The following LRP1 variants were observed in gnomAD, a reference collection of about 807,000 sequenced individuals.
The protein encoded by LRP1 is LDL receptor related protein 1, also known as prolow-density lipoprotein receptor-related protein 1.
A neutral mutation model predicts 541.5 loss-of-function variants in LRP1; 51 were observed. The ratio of observed to expected loss-of-function variants is 0.09; its 90% CI spans 0.08 to 0.12. The LOEUF is 0.12. Ranked by LOEUF, LRP1 falls within the 10% of genes least tolerant of loss-of-function variation. The probability of loss-of-function intolerance (pLI) is 1.00; values close to 1 mark genes in which losing one functional copy is unlikely to be tolerated. For synonymous variants in LRP1, 2,219 were observed against 2,470.8 expected (o/e 0.90, Z 3.02); for missense variants, 3,878 against 6,376.2 (o/e 0.61, Z 13.34).
rs551160569 is a variant in LRP1 at position 57,208,073 on chromosome 12, C to G, written c.11895C>G (p.Ile3965Met). The G allele has an allele frequency of 1.2e-6, 2 of 1,614,018 alleles. No homozygotes were observed. Among genetic ancestry groups the G allele is most frequent in the African/African-American group, 2.7e-5 (2 of 74,938 alleles). The change falls in exon 77 of 89, where the codon ATC becomes ATG. Residue 3965 changes from isoleucine (I) to methionine (M), a missense_variant. Ile to Met is a conservative substitution (Grantham distance 10). Transcript: ENST00000243077. ...SGLKMPRGIA[I>M]DWVAGNVYWT... The stretch of plus-strand genomic sequence containing the variant: ...TGAAGATGCCCAGAGGCATCGCCAT[C>G]GACTGGGTGGCCGGAAACGTGTACT...
At chr12:57,134,517 T>C (rs2035112994) in intron 1 of LRP1, among the ~76,000 whole-genome samples, 1 of 152,198 alleles carries the variant, frequency 6.6e-6, no homozygotes, top group African/African-American at 2.4e-5. Context: ...AATGGCGTGA[T>C]CTCTGCTCAC....
rs35292422 is a variant in LRP1 at position 57,201,650 on chromosome 12, C to T, written c.10468+31C>T. Reference sequence around the variant, plus strand: ...TTGCCTGGCCTGGAGCCCAGCTTCCCTCCCCAGTGTCTGCTGCTCACACCA... The same window carrying T: ...TTGCCTGGCCTGGAGCCCAGCTTCCTTCCCCAGTGTCTGCTGCTCACACCA... On this transcript the variant is annotated intron_variant, in intron 66 of 88. Transcript: ENST00000243077. This position sits in a 1 kb window ranked among gnomAD's most constrained non-coding sequence, Gnocchi z 6.4. 0.035 allele frequency: 55,482 copies of T among 1,604,416 alleles called. 1,100 individuals are homozygous for T. Among genetic ancestry groups the T allele is most frequent in the Non-Finnish European group, 0.039 (45,692 of 1,172,978 alleles).
rs1228311905 is a variant in LRP1, at chr12:57,211,138, G to A, written c.12917-38G>A. The A allele has an allele frequency of 2.5e-6, 4 of 1,604,052 alleles. No individual in the cohort carries two copies. The highest frequency in any genetic ancestry group is 2.7e-5 in the African/African-American group (2 of 74,740). On this transcript the variant is annotated intron_variant, in intron 83 of 88. Coordinates refer to ENST00000243077, the MANE Select transcript of LRP1 (RefSeq NM_002332.3). This position sits in a 1 kb window ranked among gnomAD's most constrained non-coding sequence, Gnocchi z 4.3. Reference sequence around the variant, plus strand: ...CAACCTATGGAGAGCCCTCATGAGGGTGGGGCTTGAGGCACTTCTCTCCCT... The same window carrying A: ...CAACCTATGGAGAGCCCTCATGAGGATGGGGCTTGAGGCACTTCTCTCCCT...
chr12:57,161,019 T>C lies in LRP1; in HGVS notation c.2106T>C (p.Asn702=), dbSNP rs1337244357. ...CCTCCAAGACAGTGCTTTGGCCCAA[T>C]GGGCTAAGCCTGGACATCCCGGCTG... ...FVTSKTVLWP[N]GLSLDIPAGR... Residue 702 remains asparagine (N), a synonymous_variant, in exon 13 of 89, where the codon AAT becomes AAC. Coordinates refer to ENST00000243077, the MANE Select transcript of LRP1 (RefSeq NM_002332.3). 6.2e-7 allele frequency: 1 copy of C among 1,613,460 alleles called. No individual in the cohort carries two copies. Among genetic ancestry groups the C allele is most frequent in the Non-Finnish European group, 8.5e-7 (1 of 1,180,014 alleles).
chr12:57,129,007 G>T lies in LRP1; in HGVS notation c.43G>T (p.Ala15Ser). ...PLLLLLPLLS[A>S]LVAAAIDAPK... ...GCTCCTGCTGCTGCCCCTGCTCTCA[G>T]CTCTGGTCGCGGCGGCTATCGACGG... The change falls in exon 1 of 89, where the codon GCT (alanine) becomes TCT (serine). Residue 15 changes from alanine (A) to serine (S), a missense_variant. Physicochemically the swap from Ala to Ser is moderately conservative, Grantham distance 99 (BLOSUM62 1). Around this residue, in one of 13 missense-constraint regions of LRP1, gnomAD observed 293 missense variants for 403.7 expected, o/e 0.73. Transcript: ENST00000243077. 1 of 1,551,528 alleles carries T rather than the reference G, an allele frequency of 6.4e-7. No individual in the cohort carries two copies. Among genetic ancestry groups the T allele is most frequent in the Non-Finnish European group, 8.7e-7 (1 of 1,146,854 alleles).
At chr12:57,151,881 A>C (rs554965135) in intron 6 of LRP1, among the ~76,000 whole-genome samples, 1 of 152,272 alleles carries the variant, frequency 6.6e-6, no homozygotes, top group South Asian at 2.1e-4. Flanking sequence ...AATGTGGTGC[A>C]GGGGGTTGGA....
chr12:57,199,267 C>T lies in LRP1; in HGVS notation c.9732C>T (p.Val3244=). The T allele has an allele frequency of 6.2e-7, 1 of 1,613,982 alleles. No homozygotes were observed. The highest frequency in any genetic ancestry group is 1.6e-4 in the Middle Eastern group (1 of 6,062). Residue 3244 remains valine, a synonymous_variant, in exon 61 of 89, where the codon GTC becomes GTT. Transcript: ENST00000243077. The stretch of plus-strand genomic sequence containing the variant: ...CACTGACCCTGTTTGAGGACTACGT[C>T]TACTGGACCGACTGGGAAACAAAGT... ...IFALTLFEDY[V]YWTDWETKSI...
At chr12:57,167,385 A>G (rs958949305) in intron 18 of LRP1, 59 bp from the exon 19 acceptor site, 7 of 1,251,116 alleles carry the variant, frequency 5.6e-6, no homozygotes, top group Non-Finnish European at 8.2e-6. Flanking sequence ...TCACCTGCCC[A>G]GTACTGTGAT....
intron 62 of LRP1, 54 bp downstream of exon 62, chr12:57,200,079 C>T (rs777518148): frequency 6.9e-6 from 10 of 1,454,282 alleles, no homozygotes; most frequent in Non-Finnish European, 9.4e-6. Flanking sequence ...ACCCCCAAAT[C>T]CTCCTTGGAC....
rs35236030 is a variant in LRP1, at chr12:57,203,236, G to T, written c.10767G>T (p.Ala3589=). 1.8e-3 allele frequency: 2,909 copies of T among 1,611,094 alleles called. 45 individuals are homozygous for T. The African/African-American group carries it at 0.034, about 19-fold the overall frequency. ...EFSCANGRCI[A]GRWKCDGDHD... is the part of the protein sequence containing the mutation. Reference sequence around the variant, plus strand: ...CCTGTGCCAACGGCCGCTGCATCGCGGGGCGCTGGAAATGCGATGGAGACC... The same window carrying T: ...CCTGTGCCAACGGCCGCTGCATCGCTGGGCGCTGGAAATGCGATGGAGACC... The change falls in exon 69 of 89, where the codon GCG becomes GCT. Residue 3589 remains alanine, a synonymous_variant. Transcript: ENST00000243077.
At position 57,201,356 on chromosome 12, in the gene LRP1, A is replaced by C; in HGVS notation, c.10346-141A>C. 1 of 1,409,784 alleles carries C rather than the reference A, an allele frequency of 7.1e-7. No individual in the cohort carries two copies. Among genetic ancestry groups the C allele is most frequent in the Non-Finnish European group, 9.6e-7 (1 of 1,041,572 alleles). The allele number at this position is 1,409,784 out of a possible 1,614,324, so 87.3% of individuals were successfully genotyped here. On this transcript the variant is annotated intron_variant, in intron 65 of 88. Transcript: ENST00000243077. The surrounding 1 kb of genome is among the most constrained non-coding windows in gnomAD (Gnocchi z 6.4). ...GAGATCCAGAAAACAAAAAGCACCA[A>C]AACTGGGGATAAACTGTTCCTTCCT... is the stretch of plus-strand genomic sequence containing the variant.
At chr12:57,192,455 C>T (rs962424869) in intron 44 of LRP1, among the ~76,000 whole-genome samples, 21 of 152,170 alleles carry the variant, frequency 1.4e-4, no homozygotes, top group Non-Finnish European at 2.2e-4. Context: ...GGTGCACGTG[C>T]CCTCAGTGGG....
At chr12:57,130,929 A>G (rs1165377712) in intron 1 of LRP1, among the ~76,000 whole-genome samples, 1 of 152,016 alleles carries the variant, frequency 6.6e-6, no homozygotes, top group Non-Finnish European at 1.5e-5. Flanking sequence ...ACACACACCA[A>G]TATTTCTGCC....
At chr12:57,135,164 G>A (rs951511593) in intron 1 of LRP1, among the ~76,000 whole-genome samples, 4 of 152,222 alleles carry the variant, frequency 2.6e-5, no homozygotes, top group Non-Finnish European at 4.4e-5. Flanking sequence ...AATAGTCACC[G>A]TATTTCCAAT....
rs544534121 is a variant in LRP1, at chr12:57,154,113, G to A, written c.842-95G>A. On this transcript the variant is annotated intron_variant, in intron 6 of 88. Coordinates refer to ENST00000243077, the MANE Select transcript of LRP1 (RefSeq NM_002332.3). This position sits in a 1 kb window ranked among gnomAD's most constrained non-coding sequence, Gnocchi z 4.6. The stretch of plus-strand genomic sequence containing the variant: ...TTGGGTGGGAGGGCGTCCAGAGAAG[G>A]TGGGCTTCCAGGTGTGGGTTCTCAC... The A allele has an allele frequency of 6.7e-6, 8 of 1,191,900 alleles. No individual in the cohort carries two copies. In the South Asian group the frequency reaches 1.1e-4, roughly 16 times the overall value. The allele number at this position is 1,191,900 out of a possible 1,614,324, so 73.8% of individuals were successfully genotyped here.
At chr12:57,166,602 G>A (rs2035845747) in intron 17 of LRP1, among the ~76,000 whole-genome samples, 1 of 152,072 alleles carries the variant, frequency 6.6e-6, no homozygotes, top group Non-Finnish European at 1.5e-5. Context: ...GGGCAGAGGG[G>A]ATGGAGCCCT....
rs776390914 is a variant in LRP1, at chr12:57,145,292, A to G, written c.643A>G (p.Ser215Gly). 7.4e-6 allele frequency: 12 copies of G among 1,614,082 alleles called. No homozygotes were observed. The highest frequency in any genetic ancestry group is 1.0e-5 in the Non-Finnish European group (12 of 1,180,002). ...CCAGAACATCTTGGCCACGTACCTG[A>G]GTGGGGCCCAGGTGTCTACCATCAC... ...NSQNILATYL[S>G]GAQVSTITPT... Residue 215 changes from serine (S) to glycine (G), a missense_variant, in exon 6 of 89, where the codon AGT becomes GGT. By Grantham distance (56) the Ser-to-Gly change is moderately conservative. Transcript: ENST00000243077.
intron 6 of LRP1, chr12:57,149,892 C>T: frequency 1.6e-6 from 1 of 636,800 alleles, no homozygotes. Context: ...CAGGCCCAGG[C>T]GAGATCCCTG....
chr12:57,174,836 G>C (rs959475333), intron 22 of LRP1, among the ~76,000 whole-genome samples: 5 of 152,200 alleles, frequency 3.3e-5, no homozygotes, highest in African/African-American at 1.2e-4. Flanking sequence ...GGGAGTCCAG[G>C]AGTCAGGGAG....
Sources: gnomAD v4.1 joint callset for allele counts (sites outside exome capture counted in the v4.1 genomes callset) on GRCh38, gnomAD v4.1.1 for gene constraint, gnomAD v4.1.1 regional missense constraint, Gnocchi (gnomAD v3.1) non-coding constraint, MANE v1.5 for transcripts, NCBI Gene and HGNC (gene_info 2026-07-23, HGNC 2026-07-21) for gene names.